The following SIPA1L1 variants were observed in gnomAD, a reference collection of about 807,000 sequenced individuals.
The protein encoded by SIPA1L1 is signal-induced proliferation-associated 1-like protein 1.
In SIPA1L1, 26 loss-of-function variants were observed where a neutral mutation model predicts 162.7. The observed-to-expected ratio is 0.16, with a 90% CI of 0.12 to 0.22. SIPA1L1 has a LOEUF of 0.22. Ranked by LOEUF, SIPA1L1 falls within the 10% of genes least tolerant of loss-of-function variation. The pLI is 1.00. For synonymous variants in SIPA1L1, 829 were observed against 837.4 expected, an observed-to-expected ratio of 0.99 and a Z score of 0.17; for missense variants, 1,874 against 2,241.0, an observed-to-expected ratio of 0.84 and a Z score of 3.31.
chr14:71,525,189 C>CA (rs1555448167), intron 3 of SIPA1L1, among the ~76,000 whole-genome samples: 2 of 142,722 alleles, frequency 1.4e-5, no homozygotes, highest in Non-Finnish European at 3.1e-5. Context: ...GCCCAACTGA[C>CA]TTTTTTTTTT....
rs1484292200 is a variant in SIPA1L1 at position 71,587,778 on chromosome 14, T to G, written c.-95T>G. Reference sequence around the variant, plus strand: ...TTAAGATCTCATGCAACTGTTGTATTTTCTGGAAGCCATTCTCCAAAAGGG... The same window carrying G: ...TTAAGATCTCATGCAACTGTTGTATGTTCTGGAAGCCATTCTCCAAAAGGG... On this transcript the variant is annotated 5_prime_UTR_variant, in exon 5 of 24. The change creates a new upstream start codon in the 5' untranslated region. Transcript: ENST00000381232. 8.7e-7 allele frequency: 1 copy of G among 1,144,916 alleles called. No individual in the cohort carries two copies. Among genetic ancestry groups the G allele is most frequent in the Non-Finnish European group, 1.2e-6 (1 of 803,386 alleles). The allele number at this position is 1,144,916 out of a possible 1,614,324, so 70.9% of individuals were successfully genotyped here. A position where few individuals can be genotyped will look rare whatever the true frequency, so the allele number is the denominator to read the frequency against.
chr14:71,360,637 T>C (rs972898784), intron 2 of SIPA1L1, among the ~76,000 whole-genome samples: 15 of 152,246 alleles, frequency 9.9e-5, no homozygotes, highest in Non-Finnish European at 2.1e-4. Context: ...TCTCTTTTTA[T>C]GTGTGTAAGT....
chr14:71,691,031 C>A (rs2081216562), intron 13 of SIPA1L1, among the ~76,000 whole-genome samples: 1 of 152,248 alleles, frequency 6.6e-6, no homozygotes, highest in Non-Finnish European at 1.5e-5. Flanking sequence ...GTATCCAGAG[C>A]AGAAGTAGGA....
chr14:71,695,853 G>A (rs1386845493), intron 13 of SIPA1L1, among the ~76,000 whole-genome samples: 1 of 152,130 alleles, frequency 6.6e-6, no homozygotes, highest in African/African-American at 2.4e-5. Flanking sequence ...AAGGAATGTG[G>A]TATTTTGTTA....
chr14:71,663,354 A>C (rs896575639), intron 10 of SIPA1L1, among the ~76,000 whole-genome samples: 1 of 152,200 alleles, frequency 6.6e-6, no homozygotes. Context: ...CTAAATTTTC[A>C]TTGGTGATAC....
At chr14:71,323,223 A>G (rs1444965388) in intron 2 of SIPA1L1, among the ~76,000 whole-genome samples, 1 of 152,252 alleles carries the variant, frequency 6.6e-6, no homozygotes, top group Non-Finnish European at 1.5e-5. Context: ...GCTTGAGATT[A>G]GCAGTTTTGT....
intron 3 of SIPA1L1, among the ~76,000 whole-genome samples, chr14:71,521,756 G>A (rs549482464): frequency 5.9e-5 from 9 of 152,152 alleles, no homozygotes; most frequent in African/African-American, 4.8e-5. Context: ...CAAAGGAGCC[G>A]TATCAGTTAA....
At chr14:71,425,927 T>G (rs1178521806) in intron 2 of SIPA1L1, among the ~76,000 whole-genome samples, 2 of 152,230 alleles carry the variant, frequency 1.3e-5, no homozygotes, top group Non-Finnish European at 2.9e-5. Flanking sequence ...TTGTATTTTT[T>G]GTTACTATAT....
chr14:71,500,377 A>T (rs989743056), intron 2 of SIPA1L1, among the ~76,000 whole-genome samples: 4 of 152,228 alleles, frequency 2.6e-5, no homozygotes, highest in Admixed American at 6.5e-5. Flanking sequence ...TTTGGACAAT[A>T]AAATAAGCCT....
chr14:71,648,792 C>T (rs541450764), intron 7 of SIPA1L1, among the ~76,000 whole-genome samples: 1 of 152,342 alleles, frequency 6.6e-6, no homozygotes, highest in African/African-American at 2.4e-5. Context: ...AAGTTGTAGA[C>T]ATATGTTGCA....
At chr14:71,571,277 A>G (rs183306694) in intron 4 of SIPA1L1, among the ~76,000 whole-genome samples, 1 of 152,334 alleles carries the variant, frequency 6.6e-6, no homozygotes, top group East Asian at 1.9e-4. Flanking sequence ...GAAAGTGTTC[A>G]GGTGGCCCAG....
At chr14:71,410,989 A>G (rs143254553) in intron 2 of SIPA1L1, among the ~76,000 whole-genome samples, 2 of 152,204 alleles carry the variant, frequency 1.3e-5, no homozygotes, top group East Asian at 1.9e-4. Context: ...CTGGAGGTCA[A>G]ACTTCTCTTT....
chr14:71,330,276 C>T (rs1395973874), intron 2 of SIPA1L1: 1 of 712,618 alleles, frequency 1.4e-6, no homozygotes, highest in Non-Finnish European at 2.6e-6. Flanking sequence ...AGTGGCTCCC[C>T]TGAAGTCTAG....
chr14:71,322,245 T>A (rs1003239929), intron 2 of SIPA1L1, among the ~76,000 whole-genome samples: 1 of 152,232 alleles, frequency 6.6e-6, no homozygotes, highest in East Asian at 1.9e-4. Flanking sequence ...GCTGGTACTC[T>A]GTGGGAGTTA....
chr14:71,464,764 C>T (rs1222471067), intron 2 of SIPA1L1, among the ~76,000 whole-genome samples: 3 of 152,182 alleles, frequency 2.0e-5, no homozygotes, highest in Admixed American at 6.5e-5. Flanking sequence ...TCTTAATATC[C>T]ATTCCCATGG....
At chr14:71,616,490 G>T (rs1050742950) in intron 5 of SIPA1L1, among the ~76,000 whole-genome samples, 1 of 150,754 alleles carries the variant, frequency 6.6e-6, no homozygotes, top group Non-Finnish European at 1.5e-5. Flanking sequence ...ATTAAAGGAT[G>T]ATGGGAATTA....
At chr14:71,626,653 A>G (rs1008825000) in intron 7 of SIPA1L1, among the ~76,000 whole-genome samples, 1 of 152,202 alleles carries the variant, frequency 6.6e-6, no homozygotes, top group Non-Finnish European at 1.5e-5. Flanking sequence ...GTCATATTTT[A>G]AAATTTCCAG....
At position 71,588,490 on chromosome 14, in the gene SIPA1L1, T is replaced by C; in HGVS notation, c.618T>C (p.Tyr206=). 1 of 1,614,132 alleles carries C rather than the reference T, an allele frequency of 6.2e-7. No homozygotes were observed. The highest frequency in any genetic ancestry group is 1.1e-5 in the South Asian group (1 of 91,082). ...CTGGACCATCACTGCACAGGGAATA[T>C]GGTAGCACATCTTCAATTGATAAAC... The part of the protein sequence containing the change: ...YKTGPSLHRE[Y]GSTSSIDKQG... Residue 206 remains tyrosine (Y), a synonymous_variant, in exon 5 of 24, where the codon TAT becomes TAC. Transcript: ENST00000381232. This position sits in a 1 kb window ranked among gnomAD's most constrained non-coding sequence, Gnocchi z 4.3.
intron 2 of SIPA1L1, among the ~76,000 whole-genome samples, chr14:71,369,953 GCTCT>G (rs1355968009): frequency 8.1e-6 from 1 of 123,660 alleles, no homozygotes; most frequent in East Asian, 2.2e-4. Flanking sequence ...TCATGATTTG[GCTCT>G]CTGTTTGTCT....
Sources: gnomAD v4.1 joint callset for allele counts (sites outside exome capture counted in the v4.1 genomes callset) on GRCh38, gnomAD v4.1.1 for gene constraint, Gnocchi (gnomAD v3.1) non-coding constraint, MANE v1.5 for transcripts, NCBI Gene and HGNC (gene_info 2026-07-23, HGNC 2026-07-21) for gene names.